Variants in MOSPD3 observed in about 807,000 individuals in gnomAD.
MOSPD3 encodes the protein motile sperm domain-containing protein 3.
A neutral mutation model predicts 23.3 loss-of-function variants in MOSPD3; 20 were observed. The observed-to-expected ratio is 0.86, with a 90% CI of 0.61 to 1.25. The LOEUF (loss-of-function observed/expected upper bound fraction) is 1.25, where lower values mean the gene tolerates loss of function less well. MOSPD3 is among the 50% of genes most tolerant of loss of function. MOSPD3 has a pLI of 0.00. For missense variants in MOSPD3, 307 were observed against 315.7 expected (o/e 0.97, Z 0.21); for synonymous variants, 136 against 135.2 (o/e 1.01, Z -0.04).
At chr7:100,613,917 C>A (rs1466220161) in intron 3 of MOSPD3, 2 of 599,138 alleles carry the variant, frequency 3.3e-6, no homozygotes, top group Non-Finnish European at 5.9e-6. Flanking sequence ...GGAAAAAGTT[C>A]TTCCTTGACT....
Position 100,612,836 on chromosome 7 carries a change from G to A in MOSPD3, c.45G>A (p.Gly15=), listed in dbSNP as rs1453530504. 4 of 1,610,156 alleles carry A rather than the reference G, an allele frequency of 2.5e-6. No homozygotes were observed. Among genetic ancestry groups the A allele is most frequent in the Admixed American group, 1.7e-5 (1 of 59,388 alleles). ...AGGACCAGGAGCTGGTGGGTCCGGG[G>A]CCCCCTGGGCGGGGGTCCCGGGGCG... is the stretch of plus-strand genomic sequence containing the variant. ...APQDQELVGP[G]PPGRGSRGAP... Residue 15 remains glycine (G), a synonymous_variant, in exon 1 of 5, where the codon GGG becomes GGA. Coordinates refer to ENST00000393950, the MANE Select transcript of MOSPD3 (RefSeq NM_023948.5).
chr7:100,613,486 C>T lies in MOSPD3; in HGVS notation c.291C>T (p.Arg97=). ...KPQSCIDIVI[R]HVAPIPSHYD... Reference sequence around the variant, plus strand: ...CCTACCTTGGGACCAGTGTGATTCGCCATGTGGCACCCATTCCCAGCCACT... The same window carrying T: ...CCTACCTTGGGACCAGTGTGATTCGTCATGTGGCACCCATTCCCAGCCACT... Residue 97 remains arginine (R), a synonymous_variant, in exon 3 of 5, where the codon CGC becomes CGT. Transcript: ENST00000393950. 3.1e-6 allele frequency: 5 copies of T among 1,614,210 alleles called. No homozygotes were observed. The highest frequency in any genetic ancestry group is 4.2e-6 in the Non-Finnish European group (5 of 1,180,018).
chr7:100,615,161 C>T lies in MOSPD3; in HGVS notation c.686C>T (p.Thr229Ile), dbSNP rs1802961849. The stretch of plus-strand genomic sequence containing the variant: ...TTTGTCCCCCCTCCAGGCCTCCTCA[C>T]CATGGTGTTCCTCCGGACCTGAGCT... ...LVAAYVLGLLTMVFLRT is the reference protein window; with the variant it reads ...LVAAYVLGLLIMVFLRT The change falls in exon 5 of 5, where the codon ACC (threonine) becomes ATC (isoleucine). Residue 229 changes from threonine to isoleucine, a missense_variant. By Grantham distance (89) the Thr-to-Ile change is moderately conservative. Coordinates refer to ENST00000393950, the MANE Select transcript of MOSPD3 (RefSeq NM_023948.5). The T allele has an allele frequency of 6.2e-7, 1 of 1,614,132 alleles. No homozygotes were observed. The highest frequency in any genetic ancestry group is 1.1e-5 in the South Asian group (1 of 91,078).
At chr7:100,615,108 A>T in intron 4 of MOSPD3, 44 bp from the exon 5 acceptor site, 2 of 1,614,126 alleles carry the variant, frequency 1.2e-6, no homozygotes, top group Non-Finnish European at 8.5e-7. Context: ...ACAGAGCCCC[A>T]GGGCTGCCCA....
At chr7:100,612,532 G>T, upstream of MOSPD3, 1 of 401,482 alleles carries the variant, frequency 2.5e-6, no homozygotes, top group Non-Finnish European at 4.4e-6. Flanking sequence ...GGGTTTAGCG[G>T]GGTGGGCGTG....
chr7:100,613,347 G>GC, intron 2 of MOSPD3, 78 bp downstream of exon 2: 5 of 1,550,724 alleles, frequency 3.2e-6, no homozygotes, highest in Non-Finnish European at 4.5e-6. Context: ...CTGAGACCTT[G>GC]CCCCCTTTAA....
upstream of MOSPD3, chr7:100,612,341 G>A (rs1466966071): frequency 6.5e-6 from 1 of 153,438 alleles, no homozygotes; most frequent in South Asian, 1.9e-4. Context: ...AGGTCTCCCA[G>A]GAAGCAGGCG....
At chr7:100,614,021 GT>G (rs1448252183) in intron 3 of MOSPD3, among the ~76,000 whole-genome samples, 1 of 152,182 alleles carries the variant, frequency 6.6e-6, no homozygotes, top group Non-Finnish European at 1.5e-5. Context: ...TGTGTGCTGG[GT>G]ATGAGATCAA....
In MOSPD3 at chr7:100,615,144, C is replaced by T; in HGVS notation, c.677-8C>T. Reference sequence around the variant, plus strand: ...TGCGACCCTATTCTTTCTTTGTCCCCCCTCCAGGCCTCCTCACCATGGTGT... The same window carrying T: ...TGCGACCCTATTCTTTCTTTGTCCCTCCTCCAGGCCTCCTCACCATGGTGT... On this transcript the variant is annotated splice_polypyrimidine_tract_variant and splice_region_variant and intron_variant, in intron 4 of 4. Coordinates refer to ENST00000393950, the MANE Select transcript of MOSPD3 (RefSeq NM_023948.5). 6.2e-7 allele frequency: 1 copy of T among 1,614,048 alleles called. No homozygotes were observed. The highest frequency in any genetic ancestry group is 8.5e-7 in the Non-Finnish European group (1 of 1,179,998).
chr7:100,614,756 A>G lies in MOSPD3; in HGVS notation c.512-111A>G, dbSNP rs1374061421. The G allele has an allele frequency of 4.1e-6, 5 of 1,229,302 alleles. No individual in the cohort carries two copies. The East Asian group carries it at 7.8e-5, about 19-fold the overall frequency. The allele number at this position is 1,229,302 out of a possible 1,614,324, so 76.1% of individuals were successfully genotyped here. The stretch of plus-strand genomic sequence containing the variant: ...AGACTCCATCTCTACAAAAAATAAA[A>G]GATAATTAAAAAAAAAAAGTAGATA... On this transcript the variant is annotated intron_variant, in intron 3 of 4. Transcript: ENST00000393950.
chr7:100,613,675 A>G lies in MOSPD3; in HGVS notation c.480A>G (p.Thr160=), dbSNP rs777161183. ...PAPRPGPPAG[T]PPPTARHFQE... is the part of the protein sequence containing the mutation. Reference sequence around the variant, plus strand: ...CTCGCCCAGGGCCTCCTGCTGGGACACCACCACCCACGGCCAGACACTTCC... The same window carrying G: ...CTCGCCCAGGGCCTCCTGCTGGGACGCCACCACCCACGGCCAGACACTTCC... Residue 160 remains threonine (T), a synonymous_variant, in exon 3 of 5, where the codon ACA becomes ACG. Coordinates refer to ENST00000393950, the MANE Select transcript of MOSPD3 (RefSeq NM_023948.5). 4.3e-6 allele frequency: 7 copies of G among 1,613,392 alleles called. No individual in the cohort carries two copies. The South Asian group carries it at 5.5e-5, about 13-fold the overall frequency.
chr7:100,615,172 C>G lies in MOSPD3; in HGVS notation c.697C>G (p.Leu233Val). Residue 233 changes from leucine (L) to valine (V), a missense_variant, in exon 5 of 5, where the codon CTC becomes GTC. Physicochemically the swap from Leu to Val is conservative, Grantham distance 32. Coordinates refer to ENST00000393950, the MANE Select transcript of MOSPD3 (RefSeq NM_023948.5). ...YVLGLLTMVF[L>V]RT ...TCCAGGCCTCCTCACCATGGTGTTC[C>G]TCCGGACCTGAGCTCCGTGCTCAAC... 1 of 1,614,050 alleles carries G rather than the reference C, an allele frequency of 6.2e-7. No individual in the cohort carries two copies. The highest frequency in any genetic ancestry group is 8.5e-7 in the Non-Finnish European group (1 of 1,180,014).
At chr7:100,615,103 G>A in intron 4 of MOSPD3, 49 bp from the exon 5 acceptor site, 1 of 1,614,058 alleles carries the variant, frequency 6.2e-7, no homozygotes, top group African/African-American at 1.3e-5. Context: ...AGCTAACAGA[G>A]CCCCAGGGCT....
chr7:100,613,215 A>G lies in MOSPD3; in HGVS notation c.227A>G (p.Lys76Arg). The change falls in exon 2 of 5, where the codon AAA (lysine) becomes AGA (arginine). Residue 76 changes from lysine (K) to arginine (R), a missense_variant. Coordinates refer to ENST00000393950, the MANE Select transcript of MOSPD3 (RefSeq NM_023948.5). ...RFRVLCTAPA[K>R]YTVFDAEGYV... ...CCAGTCCTGTGCACAGCACCTGCCA[A>G]ATACACGGTGTTTGACGCAGAGGGA... is the stretch of plus-strand genomic sequence containing the variant. 1.2e-6 allele frequency: 2 copies of G among 1,614,140 alleles called. No individual in the cohort carries two copies. The highest frequency in any genetic ancestry group is 1.7e-6 in the Non-Finnish European group (2 of 1,180,020).
chr7:100,614,734 C>A, intron 3 of MOSPD3, 133 bp from the exon 4 acceptor site: 1 of 1,035,530 alleles, frequency 9.7e-7, no homozygotes, highest in Non-Finnish European at 1.4e-6. Context: ...CGTAGTGAGA[C>A]TCCATCTCTA....
rs1421556743 is a variant in MOSPD3, at chr7:100,612,744, C to T, written c.-48C>T. On this transcript the variant is annotated 5_prime_UTR_variant, in exon 1 of 5. Transcript: ENST00000393950. ...ACGCCCCCCAGCTCTGACTCCAGGC[C>T]CTGTCCCCTGAGCTCTGCCCTCGGA... The T allele has an allele frequency of 2.7e-6, 4 of 1,462,320 alleles. No homozygotes were observed. In the African/African-American group the frequency reaches 5.7e-5, roughly 21 times the overall value. The allele number at this position is 1,462,320 out of a possible 1,614,324, so 90.6% of individuals were successfully genotyped here.
Position 100,613,693 on chromosome 7 carries a change from A to T in MOSPD3, c.498A>T (p.Arg166Ser). 6.2e-7 allele frequency: 1 copy of T among 1,612,702 alleles called. No homozygotes were observed. Among genetic ancestry groups the T allele is most frequent in the Non-Finnish European group, 8.5e-7 (1 of 1,179,996 alleles). Residue 166 changes from arginine (R) to serine (S), a missense_variant, in exon 3 of 5, where the codon AGA becomes AGT. Transcript: ENST00000393950. ...PPAGTPPPTA[R>S]HFQEHPRQQL... ...CTGGGACACCACCACCCACGGCCAG[A>T]CACTTCCAGGAGCGTGAGTTGGGAG...
rs1355934390 is a variant in MOSPD3 at position 100,615,250 on chromosome 7, G to A, written c.*67G>A. ...AGGGTCTTGAGGCAGCCACTGTGAT[G>A]CTCATACCTTACCTTGCCTCCTACC... is the stretch of plus-strand genomic sequence containing the variant. On this transcript the variant is annotated 3_prime_UTR_variant, in exon 5 of 5. Coordinates refer to ENST00000393950, the MANE Select transcript of MOSPD3 (RefSeq NM_023948.5). The A allele has an allele frequency of 3.7e-6, 5 of 1,354,304 alleles. No homozygotes were observed. The Admixed American group carries it at 9.7e-5, about 26-fold the overall frequency. The allele number at this position is 1,354,304 out of a possible 1,614,324, so 83.9% of individuals were successfully genotyped here.
chr7:100,613,718 G>T lies in MOSPD3; in HGVS notation c.511+12G>T. 2 of 1,608,186 alleles carry T rather than the reference G, an allele frequency of 1.2e-6. No individual in the cohort carries two copies. The highest frequency in any genetic ancestry group is 1.1e-5 in the South Asian group (1 of 91,046). On this transcript the variant is annotated intron_variant, in intron 3 of 4. Coordinates refer to ENST00000393950, the MANE Select transcript of MOSPD3 (RefSeq NM_023948.5). ...ACACTTCCAGGAGCGTGAGTTGGGA[G>T]ACTGGGATCTTGAGTTCTGTAGGGA...
Sources: allele counts gnomAD v4.1 joint callset (sites outside exome capture counted in the v4.1 genomes callset), GRCh38; gene constraint gnomAD v4.1.1; transcripts MANE v1.5; gene names NCBI Gene and HGNC (gene_info 2026-07-23, HGNC 2026-07-21).